The following CEP112 variants were observed in gnomAD, a reference collection of about 807,000 sequenced individuals.
The protein encoded by CEP112 is centrosomal protein 112.
CEP112 carries 127 observed loss-of-function variants against 153.0 expected under a neutral mutation model. That is an observed-to-expected ratio of 0.83 (90% CI 0.72 to 0.96). CEP112 has a LOEUF of 0.96. CEP112 is among the 40% of genes least tolerant of loss of function. CEP112 has a pLI of 0.00. For synonymous variants in CEP112, 358 were observed against 374.4 expected (o/e 0.96, Z 0.51); for missense variants, 1,089 against 1,101.2 (o/e 0.99, Z 0.16).
intron 24 of CEP112, 115 bp downstream of exon 24, chr17:65,689,014 C>G: frequency 1.5e-6 from 1 of 684,196 alleles, no homozygotes; most frequent in Non-Finnish European, 2.6e-6. Flanking sequence ...GTGATCCACC[C>G]ACCTCGGCCT....
chr17:65,994,884 C>CTA (rs1161084274), intron 17 of CEP112, among the ~76,000 whole-genome samples: 1 of 152,140 alleles, frequency 6.6e-6, no homozygotes, highest in Non-Finnish European at 1.5e-5. Flanking sequence ...TTCTCTTTCT[C>CTA]TCTCTGGTGC....
At chr17:65,682,683 C>T (rs1361092755) in intron 24 of CEP112, among the ~76,000 whole-genome samples, 1 of 152,018 alleles carries the variant, frequency 6.6e-6, no homozygotes, top group African/African-American at 2.4e-5. Context: ...ACAAAACGAA[C>T]TTTCTGGTCT....
At chr17:65,677,939 T>A (rs1325397782) in intron 24 of CEP112, among the ~76,000 whole-genome samples, 1 of 151,958 alleles carries the variant, frequency 6.6e-6, no homozygotes, top group Non-Finnish European at 1.5e-5. Context: ...AATAAATAAA[T>A]CTCTGCTTTT....
intron 12 of CEP112, among the ~76,000 whole-genome samples, chr17:66,044,826 CTTATAA>C (rs2066134431): frequency 6.6e-6 from 1 of 151,896 alleles, no homozygotes; most frequent in Admixed American, 6.6e-5. Context: ...GAACTATATA[CTTATAA>C]TTATTAAAAT....
intron 6 of CEP112, among the ~76,000 whole-genome samples, chr17:66,108,697 C>T (rs1456135981): frequency 6.6e-6 from 1 of 152,100 alleles, no homozygotes; most frequent in Admixed American, 6.6e-5. Flanking sequence ...CTATGGAAAA[C>T]AGGGTAGAGA....
chr17:65,920,367 AT>A (rs1308298615), intron 19 of CEP112, among the ~76,000 whole-genome samples: 1 of 42,288 alleles, frequency 2.4e-5, no homozygotes, highest in African/African-American at 1.3e-4. Flanking sequence ...AACAAAATAT[AT>A]ATATATATAT....
At chr17:65,865,182 CA>C (rs1227601151) in intron 20 of CEP112, among the ~76,000 whole-genome samples, 1 of 151,932 alleles carries the variant, frequency 6.6e-6, no homozygotes, top group Non-Finnish European at 1.5e-5. Context: ...GCTGAGATCA[CA>C]GGTGCATGCC....
At chr17:65,856,074 A>G (rs2058110704) in intron 20 of CEP112, among the ~76,000 whole-genome samples, 1 of 152,204 alleles carries the variant, frequency 6.6e-6, no homozygotes, top group Non-Finnish European at 1.5e-5. Flanking sequence ...AGTCCATAAT[A>G]AACATACAAA....
chr17:66,136,362 A>C (rs946810430), intron 4 of CEP112, among the ~76,000 whole-genome samples: 1 of 152,010 alleles, frequency 6.6e-6, no homozygotes, highest in African/African-American at 2.4e-5. Flanking sequence ...GGGCTGCCTA[A>C]GGGACCGGAT....
chr17:65,770,822 G>A (rs987428285), intron 21 of CEP112, among the ~76,000 whole-genome samples: 1 of 150,866 alleles, frequency 6.6e-6, no homozygotes, highest in Admixed American at 6.6e-5. Flanking sequence ...AACCAACAGT[G>A]AAGAGGTATA....
chr17:66,057,952 G>A (rs924861416), intron 11 of CEP112, among the ~76,000 whole-genome samples: 10 of 151,958 alleles, frequency 6.6e-5, no homozygotes, highest in Non-Finnish European at 1.2e-4. Flanking sequence ...AATTAGCCAG[G>A]CAGTGGTGGC....
intron 4 of CEP112, among the ~76,000 whole-genome samples, chr17:66,168,426 T>C: frequency 8.9e-6 from 1 of 111,742 alleles, no homozygotes; most frequent in Non-Finnish European, 2.4e-5. Context: ...TGTGTGTGTA[T>C]ATATATGTAT....
intron 19 of CEP112, among the ~76,000 whole-genome samples, chr17:65,904,840 C>T (rs552285548): frequency 1.3e-5 from 2 of 152,228 alleles, no homozygotes; most frequent in Admixed American, 6.5e-5. Context: ...CTGACAAAAA[C>T]GAGCAATGGA....
chr17:65,916,713 A>AT (rs67312385), intron 19 of CEP112, among the ~76,000 whole-genome samples: 95 of 147,218 alleles, frequency 6.5e-4, no homozygotes, highest in African/African-American at 9.9e-4. Flanking sequence ...TGCCAGTCTA[A>AT]TTTTTTTTTT....
intron 23 of CEP112, among the ~76,000 whole-genome samples, chr17:65,738,204 G>A (rs1241410413): frequency 6.6e-6 from 1 of 152,136 alleles, no homozygotes. Flanking sequence ...TATAAACACT[G>A]CATAGATTGA....
chr17:65,912,798 T>C (rs2060337186), intron 19 of CEP112, among the ~76,000 whole-genome samples: 1 of 152,206 alleles, frequency 6.6e-6, no homozygotes, highest in Admixed American at 6.5e-5. Flanking sequence ...GGATTGGCCA[T>C]TAATAGACAG....
At chr17:65,841,248 T>C (rs2057505116) in intron 21 of CEP112, among the ~76,000 whole-genome samples, 1 of 151,934 alleles carries the variant, frequency 6.6e-6, no homozygotes, top group Admixed American at 6.6e-5. Flanking sequence ...GGAAACAACA[T>C]AAATGTACAT....
At chr17:65,933,550 GA>G (rs2061200320) in intron 18 of CEP112, among the ~76,000 whole-genome samples, 1 of 152,066 alleles carries the variant, frequency 6.6e-6, no homozygotes, top group Non-Finnish European at 1.5e-5. Flanking sequence ...AGTACTGAAG[GA>G]AAAAAGCTGT....
chr17:66,112,440 T>C (rs545385043), intron 6 of CEP112, among the ~76,000 whole-genome samples: 1 of 123,934 alleles, frequency 8.1e-6, no homozygotes, highest in South Asian at 3.6e-4. Flanking sequence ...CTTAGAAATA[T>C]AAAAAATATA....
Sources: allele counts gnomAD v4.1 joint callset (sites outside exome capture counted in the v4.1 genomes callset), GRCh38; gene constraint gnomAD v4.1.1; transcripts MANE v1.5; gene names NCBI Gene and HGNC (gene_info 2026-07-23, HGNC 2026-07-21).